PALMD: variants seen among roughly 807,000 people sequenced by gnomAD.
PALMD encodes the protein paralemmin-like protein.
Under a neutral mutation model 56.2 loss-of-function variants are expected in PALMD, and 42 were observed. The ratio of observed to expected loss-of-function variants is 0.75; its 90% CI spans 0.58 to 0.97. PALMD has a LOEUF of 0.97. Among genes scored for constraint, PALMD ranks in the 50% least tolerant of loss-of-function variants. The probability of loss-of-function intolerance (pLI) is 0.00; values close to 1 mark genes in which losing one functional copy is unlikely to be tolerated. For synonymous variants in PALMD, 242 were observed against 222.9 expected (o/e 1.09, Z -0.76); for missense variants, 660 against 643.8 (o/e 1.03, Z -0.27).
At chr1:99,666,029 G>A (rs1427247766) in intron 2 of PALMD, among the ~76,000 whole-genome samples, 1 of 152,112 alleles carries the variant, frequency 6.6e-6, no homozygotes, top group Non-Finnish European at 1.5e-5. Context: ...ACATGCAGTT[G>A]CTTAAGATTC....
chr1:99,683,080 GAGAGAGAGAGAAAGAAAGAAAGAA>G (rs1181501313), intron 3 of PALMD, among the ~76,000 whole-genome samples: 54 of 16,866 alleles, frequency 3.2e-3, no homozygotes, highest in South Asian at 6.1e-3. Context: ...GAGAGAGAGA[GAGAGAGAGAGAAAGAAAGAAAGAA>G]AGAAAGAAAG....
In PALMD at chr1:99,666,992, G is replaced by A. The variant is rs147691131; in HGVS notation, c.127-650G>A. Among the ~76,000 whole-genome samples the A allele has an allele frequency of 6.0e-3, 906 of 152,232 alleles. 9 individuals are homozygous for A. The highest frequency in any genetic ancestry group is 0.021 in the African/African-American group (857 of 41,548). On this transcript the variant is annotated intron_variant, in intron 2 of 7. Coordinates refer to ENST00000263174, the MANE Select transcript of PALMD (RefSeq NM_017734.5). ...ATTTAGACAGATCAGTAAATTTTGC[G>A]CTTAAGAATGTCTATAACCAGGGAG... is the stretch of plus-strand genomic sequence containing the variant.
At chr1:99,647,269 C>G (rs1054054486) in intron 1 of PALMD, among the ~76,000 whole-genome samples, 7 of 152,160 alleles carry the variant, frequency 4.6e-5, no homozygotes, top group Non-Finnish European at 1.0e-4. Context: ...CTGCCACTGA[C>G]ATTAGGTATA....
chr1:99,655,348 C>T (rs1242557405), intron 1 of PALMD, among the ~76,000 whole-genome samples: 1 of 151,250 alleles, frequency 6.6e-6, no homozygotes, highest in East Asian at 1.9e-4. Flanking sequence ...ACCGTCTTAA[C>T]CTTCATCATC....
In PALMD at chr1:99,689,834, A is replaced by T; in HGVS notation, c.1574A>T (p.Gln525Leu). 6.2e-7 allele frequency: 1 copy of T among 1,612,008 alleles called. No homozygotes were observed. Among genetic ancestry groups the T allele is most frequent in the South Asian group, 1.1e-5 (1 of 90,896 alleles). Residue 525 changes from glutamine (Q) to leucine (L), a missense_variant, in exon 7 of 8, where the codon CAG (glutamine) becomes CTG (leucine). Coordinates refer to ENST00000263174, the MANE Select transcript of PALMD (RefSeq NM_017734.5). ...SPVHHSPFDA[Q>L]TTGDGTEDPS... ...GTCCACCATTCCCCATTTGATGCTC[A>T]GACAACTGGAGATGGGACTGAGGAT...
At chr1:99,663,989 A>C (rs1445998590) in intron 2 of PALMD, among the ~76,000 whole-genome samples, 1 of 152,186 alleles carries the variant, frequency 6.6e-6, no homozygotes, top group African/African-American at 2.4e-5. Context: ...AGTTGTGCAG[A>C]TTGTGTACTG....
chr1:99,694,279 G>A lies in PALMD; in HGVS notation c.*217G>A, dbSNP rs575560088. 98 of 414,814 alleles carry A rather than the reference G, an allele frequency of 2.4e-4. 1 individual carries two copies. In the South Asian group the frequency reaches 4.7e-3, roughly 20 times the overall value. 25.7% of individuals were successfully genotyped at this position (414,814 alleles called of 1,614,324 possible). A position where few individuals can be genotyped will look rare whatever the true frequency, so the allele number is the denominator to read the frequency against. On this transcript the variant is annotated 3_prime_UTR_variant, in exon 8 of 8. Transcript: ENST00000263174. ...TGTAACTTTTCCAGTTACTTGACAC[G>A]ATTCAGTGGGGGAAAACCAGCATTT...
intron 1 of PALMD, among the ~76,000 whole-genome samples, chr1:99,655,282 CTT>C (rs946878473): frequency 3.3e-5 from 5 of 151,904 alleles, no homozygotes; most frequent in Admixed American, 2.6e-4. Context: ...ATTATTGAGT[CTT>C]AGATGATAAA....
intron 1 of PALMD, among the ~76,000 whole-genome samples, chr1:99,661,325 A>G (rs944468754): frequency 4.6e-5 from 7 of 152,222 alleles, no homozygotes; most frequent in African/African-American, 1.7e-4. Flanking sequence ...ATTCCAGGGA[A>G]TCTCTAAAAC....
At chr1:99,690,787 G>A (rs1260344117) in intron 7 of PALMD, among the ~76,000 whole-genome samples, 3 of 152,114 alleles carry the variant, frequency 2.0e-5, no homozygotes, top group Non-Finnish European at 4.4e-5. Flanking sequence ...AATTTTAAAT[G>A]TCTCTAATGG....
At chr1:99,662,143 T>C (rs903923905) in intron 1 of PALMD, among the ~76,000 whole-genome samples, 176 bp from the exon 2 acceptor site, 1 of 152,178 alleles carries the variant, frequency 6.6e-6, no homozygotes, top group African/African-American at 2.4e-5. Context: ...ATAAGGAAAA[T>C]GCTTCAAATG....
chr1:99,683,156 A>G (rs1305598855), intron 3 of PALMD: 1 of 137,396 alleles, frequency 7.3e-6, no homozygotes, highest in Non-Finnish European at 1.6e-5. Flanking sequence ...GAAAGAAAGA[A>G]AGAAAGAAAG....
At chr1:99,648,787 T>C (rs1302145128) in intron 1 of PALMD, among the ~76,000 whole-genome samples, 2 of 148,904 alleles carry the variant, frequency 1.3e-5, no homozygotes, top group East Asian at 4.0e-4. Flanking sequence ...TTCAAGTGCC[T>C]AAAAAGTCAT....
At chr1:99,648,460 G>T (rs1439662089) in intron 1 of PALMD, among the ~76,000 whole-genome samples, 1 of 152,138 alleles carries the variant, frequency 6.6e-6, no homozygotes, top group Non-Finnish European at 1.5e-5. Flanking sequence ...CAGAGAGTTT[G>T]CAAGAATTAT....
chr1:99,667,950 C>G (rs939935370), intron 3 of PALMD, 184 bp downstream of exon 3: 1 of 532,942 alleles, frequency 1.9e-6, no homozygotes, highest in African/African-American at 1.9e-5. Context: ...ATGATCTCGG[C>G]TCACGGCAAC....
At chr1:99,647,927 A>C (rs562381864) in intron 1 of PALMD, among the ~76,000 whole-genome samples, 4 of 152,308 alleles carry the variant, frequency 2.6e-5, no homozygotes, top group Non-Finnish European at 5.9e-5. Context: ...ATGGCTGTAT[A>C]CAGTTATTTC....
rs1303550767 is a variant in PALMD, at chr1:99,689,864, C to T, written c.1604C>T (p.Ser535Phe). The T allele has an allele frequency of 3.1e-6, 5 of 1,597,296 alleles. No homozygotes were observed. Among genetic ancestry groups the T allele is most frequent in the Non-Finnish European group, 4.3e-6 (5 of 1,175,362 alleles). The change falls in exon 7 of 8, where the codon TCC (serine) becomes TTC (phenylalanine). Residue 535 changes from serine to phenylalanine, a missense_variant. By Grantham distance (155) the Ser-to-Phe change is radical (BLOSUM62 -2). Coordinates refer to ENST00000263174, the MANE Select transcript of PALMD (RefSeq NM_017734.5). ...QTTGDGTEDP[S>F]LTALRMRMAK... ...ACTGGAGATGGGACTGAGGATCCAT[C>T]CTTAACAGGTAATAAAAATGACAAG... is the stretch of plus-strand genomic sequence containing the variant.
chr1:99,669,178 T>G (rs1653032093), intron 3 of PALMD: 1 of 152,200 alleles, frequency 6.6e-6, no homozygotes, highest in Non-Finnish European at 1.5e-5. Context: ...TTTACTTGAT[T>G]AATTACATGC....
chr1:99,654,260 C>A (rs969491977), intron 1 of PALMD, among the ~76,000 whole-genome samples: 3 of 151,982 alleles, frequency 2.0e-5, no homozygotes, highest in African/African-American at 7.2e-5. Context: ...ATATAAAAAG[C>A]AGTAGCTTTC....
Sources: gnomAD v4.1 joint callset for allele counts (sites outside exome capture counted in the v4.1 genomes callset) on GRCh38, gnomAD v4.1.1 for gene constraint, MANE v1.5 for transcripts, NCBI Gene and HGNC (gene_info 2026-07-23, HGNC 2026-07-21) for gene names.